COBL: variants seen among roughly 807,000 people sequenced by gnomAD.
COBL encodes the protein protein cordon-bleu.
COBL carries 51 observed loss-of-function variants against 98.8 expected under a neutral mutation model. The ratio of observed to expected loss-of-function variants is 0.52; its 90% CI spans 0.41 to 0.65. COBL has a LOEUF of 0.65. COBL is among the 30% of genes least tolerant of loss of function. The pLI, the probability that COBL is intolerant of heterozygous loss-of-function variation, is 0.00. For synonymous variants in COBL, 634 were observed against 651.7 expected, an observed-to-expected ratio of 0.97 and a Z score of 0.41; for missense variants, 1,617 against 1,617.5, an observed-to-expected ratio of 1.00 and a Z score of 0.01.
intron 5 of COBL, among the ~76,000 whole-genome samples, chr7:51,139,566 G>A (rs1440495412): frequency 6.6e-6 from 1 of 152,160 alleles, no homozygotes; most frequent in Non-Finnish European, 1.5e-5. Context: ...GAGGTCGATT[G>A]CAGGGTCCAG....
rs184520448 is a variant in COBL at position 51,025,369 on chromosome 7, C to T, written c.3508G>A (p.Ala1170Thr). 64 of 1,613,132 alleles carry T rather than the reference C, an allele frequency of 4.0e-5. No homozygotes were observed. In the East Asian group the frequency reaches 1.0e-3, roughly 26 times the overall value. ...HSGTCSLRKV[A>T]SSASEELQSF... The stretch of plus-strand genomic sequence containing the variant: ...TGGAGCTCCTCAGAAGCAGAGGATG[C>T]CACCTGGCAATGAGATGATTAAATG... The change falls in exon 12 of 13, where the codon GCA (alanine) becomes ACA (threonine). Residue 1170 changes from alanine (A) to threonine (T), a missense_variant. Physicochemically the swap from Ala to Thr is moderately conservative, Grantham distance 58. This residue lies in a region of COBL where 1,304 missense variants were observed against 1,282.0 expected (regional missense o/e 1.02). Transcript: ENST00000265136.
At chr7:51,036,924 TAC>T (rs1788703705) in intron 8 of COBL, among the ~76,000 whole-genome samples, 1 of 152,222 alleles carries the variant, frequency 6.6e-6, no homozygotes, top group Non-Finnish European at 1.5e-5. Flanking sequence ...ACAATAATTA[TAC>T]ACAGTTAGAT....
intron 5 of COBL, among the ~76,000 whole-genome samples, chr7:51,147,159 G>T (rs1562964423): frequency 6.6e-6 from 1 of 152,208 alleles, no homozygotes; most frequent in South Asian, 2.1e-4. Flanking sequence ...CCCTGGACTT[G>T]CATGTGGCTG....
chr7:51,071,163 G>C (rs1792509307), intron 7 of COBL: 2 of 152,180 alleles, frequency 1.3e-5, no homozygotes, highest in African/African-American at 4.8e-5. Context: ...TGGATAGGGT[G>C]TATGACATGA....
At chr7:51,051,167 T>A (rs1032449818) in intron 7 of COBL, among the ~76,000 whole-genome samples, 5 of 152,342 alleles carry the variant, frequency 3.3e-5, no homozygotes, top group African/African-American at 1.2e-4. Context: ...AAGATTCAGA[T>A]GAAAATCCTT....
chr7:51,107,496 C>A (rs1796419068), intron 6 of COBL, among the ~76,000 whole-genome samples: 1 of 152,220 alleles, frequency 6.6e-6, no homozygotes, highest in South Asian at 2.1e-4. Context: ...ATTCCCACTT[C>A]AGTAAATATC....
chr7:51,020,651 C>A (rs144294184), intron 12 of COBL, among the ~76,000 whole-genome samples: 1 of 152,060 alleles, frequency 6.6e-6, no homozygotes, highest in Non-Finnish European at 1.5e-5. Context: ...GAAGCAAGCA[C>A]TGAGTGTGGG....
chr7:51,282,559 G>T (rs1295835160), intron 1 of COBL, among the ~76,000 whole-genome samples: 1 of 152,006 alleles, frequency 6.6e-6, no homozygotes, highest in Non-Finnish European at 1.5e-5. Flanking sequence ...ATGAAGCTTT[G>T]AAATAGATAC....
intron 5 of COBL, among the ~76,000 whole-genome samples, chr7:51,143,097 T>C (rs1215032779): frequency 6.6e-6 from 1 of 152,154 alleles, no homozygotes; most frequent in Non-Finnish European, 1.5e-5. Flanking sequence ...TAAGTCATAA[T>C]GTGCAGCATA....
rs1470538652 is a variant in COBL, at chr7:51,157,043, C to G, written c.784-20712G>C. 5.3e-5 allele frequency among the ~76,000 whole-genome samples: 8 copies of G among 152,194 alleles called. No individual in the cohort carries two copies. In the South Asian group the frequency reaches 1.7e-3, roughly 32 times the overall value. ...CTCAGGCTTGATTCTCCTATTGCCT[C>G]ATCTGCCCCAATACCTCAAATCAGA... On this transcript the variant is annotated intron_variant, in intron 5 of 12. Coordinates refer to ENST00000265136, the MANE Select transcript of COBL (RefSeq NM_015198.5).
intron 5 of COBL, among the ~76,000 whole-genome samples, chr7:51,139,475 A>G (rs1391820460): frequency 1.3e-5 from 2 of 152,152 alleles, no homozygotes; most frequent in African/African-American, 2.4e-5. Flanking sequence ...CTGAATTTCA[A>G]TAGAACAGAT....
intron 4 of COBL, among the ~76,000 whole-genome samples, chr7:51,186,180 T>C (rs939321384): frequency 6.6e-6 from 1 of 152,250 alleles, no homozygotes; most frequent in Non-Finnish European, 1.5e-5. Context: ...TTAATATGTA[T>C]GTTTATAACC....
chr7:51,111,597 C>G (rs1796828401), intron 6 of COBL, among the ~76,000 whole-genome samples: 2 of 152,188 alleles, frequency 1.3e-5, no homozygotes, highest in African/African-American at 4.8e-5. Context: ...ACTGTCCTGT[C>G]CTCACGACCC....
At chr7:51,267,541 G>C (rs1218763217) in intron 1 of COBL, among the ~76,000 whole-genome samples, 1 of 151,942 alleles carries the variant, frequency 6.6e-6, no homozygotes, top group Admixed American at 6.6e-5. Flanking sequence ...AGTATATTGA[G>C]AACATTACAG....
At chr7:51,247,403 G>A (rs2129132190) in intron 1 of COBL, among the ~76,000 whole-genome samples, 1 of 152,306 alleles carries the variant, frequency 6.6e-6, no homozygotes, top group Non-Finnish European at 1.5e-5. Context: ...TGCTAGCAAG[G>A]TATAAATAAC....
chr7:51,138,221 G>A (rs1562955366), intron 5 of COBL, among the ~76,000 whole-genome samples: 1 of 152,162 alleles, frequency 6.6e-6, no homozygotes, highest in Non-Finnish European at 1.5e-5. Context: ...CAGAACACTC[G>A]TCAATGCCTA....
intron 5 of COBL, among the ~76,000 whole-genome samples, chr7:51,148,860 T>C (rs1356479104): frequency 7.7e-6 from 1 of 130,226 alleles, no homozygotes; most frequent in African/African-American, 2.5e-5. Context: ...GCTCCAGGCA[T>C]CCCCAACCCC....
intron 1 of COBL, among the ~76,000 whole-genome samples, chr7:51,257,867 T>C (rs1584327467): frequency 6.6e-6 from 1 of 152,280 alleles, no homozygotes; most frequent in East Asian, 1.9e-4. Flanking sequence ...TTTGATGAAA[T>C]CTTCCCTGTC....
chr7:51,105,474 TG>T (rs1228642669), intron 6 of COBL, among the ~76,000 whole-genome samples: 1 of 152,018 alleles, frequency 6.6e-6, no homozygotes, highest in Non-Finnish European at 1.5e-5. Context: ...GTTGGCTGGG[TG>T]GGGTGGCTCA....
Sources: allele counts gnomAD v4.1 joint callset (sites outside exome capture counted in the v4.1 genomes callset), GRCh38; gene constraint gnomAD v4.1.1; regional missense constraint gnomAD v4.1.1; transcripts MANE v1.5; gene names NCBI Gene and HGNC (gene_info 2026-07-23, HGNC 2026-07-21).